Variants in FKBP7 observed in about 807,000 individuals in gnomAD.
The protein encoded by FKBP7 is peptidyl-prolyl cis-trans isomerase FKBP7.
A neutral mutation model predicts 24.3 loss-of-function variants in FKBP7; 24 were observed. The ratio of observed to expected loss-of-function variants is 0.99; its 90% CI spans 0.72 to 1.39. The LOEUF (loss-of-function observed/expected upper bound fraction) is 1.39, where lower values mean the gene tolerates loss of function less well. Ranked by LOEUF, FKBP7 falls within the 40% of genes most tolerant of loss-of-function variation. The pLI is 0.00. For synonymous variants in FKBP7, 98 were observed against 92.8 expected (o/e 1.06, Z -0.32); for missense variants, 257 against 269.5 (o/e 0.95, Z 0.33).
At chr2:178,473,308 A>G (rs973895680) in intron 2 of FKBP7, among the ~76,000 whole-genome samples, 1 of 152,232 alleles carries the variant, frequency 6.6e-6, no homozygotes, top group African/African-American at 2.4e-5. Flanking sequence ...AACGCAGGCA[A>G]GGTCAGTATT....
intron 3 of FKBP7, among the ~76,000 whole-genome samples, chr2:178,468,610 A>C (rs1024185510): frequency 1.3e-5 from 2 of 152,172 alleles, no homozygotes; most frequent in African/African-American, 4.8e-5. Context: ...CAACAGAGAA[A>C]GACCCTGTCT....
chr2:178,472,598 C>T (rs1342717357), intron 2 of FKBP7, among the ~76,000 whole-genome samples: 3 of 151,676 alleles, frequency 2.0e-5, no homozygotes, highest in Admixed American at 1.3e-4. Context: ...TGGCTTATAC[C>T]ACTGCGCCTG....
intron 2 of FKBP7, among the ~76,000 whole-genome samples, chr2:178,471,929 TTA>T (rs1162431704): frequency 1.3e-5 from 2 of 152,154 alleles, no homozygotes; most frequent in African/African-American, 4.8e-5. Context: ...TTACCTGACT[TTA>T]GAGTAGAAGA....
chr2:178,475,035 T>G (rs2154127111), intron 2 of FKBP7, among the ~76,000 whole-genome samples: 1 of 152,300 alleles, frequency 6.6e-6, no homozygotes, highest in South Asian at 2.1e-4. Context: ...TACTTCATTC[T>G]TTTTACTGGT....
At chr2:178,475,059 A>G (rs1221417364) in intron 2 of FKBP7, among the ~76,000 whole-genome samples, 5 of 152,186 alleles carry the variant, frequency 3.3e-5, no homozygotes, top group Non-Finnish European at 7.3e-5. Flanking sequence ...ACAGTAATTC[A>G]TTGTATAGAT....
At chr2:178,470,199 G>A (rs1451501250) in intron 2 of FKBP7, among the ~76,000 whole-genome samples, 1 of 152,054 alleles carries the variant, frequency 6.6e-6, no homozygotes, top group Non-Finnish European at 1.5e-5. Flanking sequence ...AAGGATAGTT[G>A]TGTCTGTAAT....
intron 3 of FKBP7, among the ~76,000 whole-genome samples, chr2:178,466,892 T>C (rs1471507298): frequency 6.6e-6 from 1 of 152,214 alleles, no homozygotes; most frequent in Non-Finnish European, 1.5e-5. Context: ...AGAGTATTTT[T>C]GAAAGCTAGA....
In FKBP7 at chr2:178,465,542, A is replaced by G. The variant is rs1054591576; in HGVS notation, c.*228T>C. The G allele has an allele frequency of 3.0e-6, 1 of 334,292 alleles. No homozygotes were observed. Among genetic ancestry groups the G allele is most frequent in the African/African-American group, 2.1e-5 (1 of 46,954 alleles). The allele number at this position is 334,292 out of a possible 1,614,324, so 20.7% of individuals were successfully genotyped here. A position where few individuals can be genotyped will look rare whatever the true frequency, so the allele number is the denominator to read the frequency against. On this transcript the variant is annotated 3_prime_UTR_variant, in exon 4 of 4. Coordinates refer to ENST00000424785, the MANE Select transcript of FKBP7 (RefSeq NM_181342.3). Reference sequence around the variant, plus strand: ...ACCCAGAGGTCTGTTTCATGGTGCTACAATTCTTGTTTACAGAATAAAGCA... The same window carrying G: ...ACCCAGAGGTCTGTTTCATGGTGCTGCAATTCTTGTTTACAGAATAAAGCA...
Position 178,465,670 on chromosome 2 carries a change from A to T in FKBP7, c.*100T>A. 1 of 1,152,356 alleles carries T rather than the reference A, an allele frequency of 8.7e-7. No individual in the cohort carries two copies. The highest frequency in any genetic ancestry group is 3.3e-5 in the Admixed American group (1 of 30,178). 71.4% of individuals were successfully genotyped at this position (1,152,356 alleles called of 1,614,324 possible). Reference sequence around the variant, plus strand: ...ATTGGGGAGATCAAAATATCTTCTCATAGGGGAAAAATAGCAAATACAACT... The same window carrying T: ...ATTGGGGAGATCAAAATATCTTCTCTTAGGGGAAAAATAGCAAATACAACT... On this transcript the variant is annotated 3_prime_UTR_variant, in exon 4 of 4. Transcript: ENST00000424785.
intron 2 of FKBP7, among the ~76,000 whole-genome samples, chr2:178,472,805 T>TCACACCA (rs1029484072): frequency 8.5e-6 from 1 of 117,732 alleles, no homozygotes; most frequent in African/African-American, 3.3e-5. Context: ...CCAAGATCAA[T>TCACACCA]CACACCACTG....
intron 2 of FKBP7, among the ~76,000 whole-genome samples, chr2:178,475,904 A>T (rs1684986056): frequency 6.6e-6 from 1 of 152,214 alleles, no homozygotes; most frequent in South Asian, 2.1e-4. Context: ...TGAAAGAATA[A>T]GATCATTTCT....
chr2:178,466,892 TGAAAGCTAGA>T (rs755438638), intron 3 of FKBP7, among the ~76,000 whole-genome samples: 11 of 152,214 alleles, frequency 7.2e-5, no homozygotes, highest in Non-Finnish European at 1.6e-4. Flanking sequence ...AGAGTATTTT[TGAAAGCTAGA>T]GTTTGAGAGG....
Position 178,469,716 on chromosome 2 carries a change from G to C in FKBP7, c.443C>G (p.Pro148Arg). Residue 148 changes from proline (P) to arginine (R), a missense_variant, in exon 3 of 4, where the codon CCA becomes CGA. Coordinates refer to ENST00000424785, the MANE Select transcript of FKBP7 (RefSeq NM_181342.3). ...TTGTTTAAATGTCTCAATGCTCCGT[G>C]GTCCTTTGGTCACAGCATAAAGTTC... ...EIELYAVTKG[P>R]RSIETFKQID... is the part of the protein sequence containing the mutation. 6.2e-7 allele frequency: 1 copy of C among 1,613,786 alleles called. No individual in the cohort carries two copies. Among genetic ancestry groups the C allele is most frequent in the African/African-American group, 1.3e-5 (1 of 75,030 alleles).
At chr2:178,466,767 T>A (rs540683793) in intron 3 of FKBP7, among the ~76,000 whole-genome samples, 6 of 152,200 alleles carry the variant, frequency 3.9e-5, no homozygotes, top group Non-Finnish European at 8.8e-5. Flanking sequence ...AATTTTAAAA[T>A]TATATGTGTA....
chr2:178,477,186 T>A lies in FKBP7; in HGVS notation c.249A>T (p.Lys83Asn). Residue 83 changes from lysine to asparagine, a missense_variant, in exon 2 of 4, where the codon AAA (lysine) becomes AAT (asparagine). Physicochemically the swap from Lys to Asn is moderately conservative, Grantham distance 94. Transcript: ENST00000424785. ...CSRTQNEGHP[K>N]WFVLGVGQVI... ...CTTGCCCAACACCAAGAACAAACCA[T>A]TTGGGGTGGCCTTCATTTTGTGTCC... is the stretch of plus-strand genomic sequence containing the variant. 7 of 1,611,998 alleles carry A rather than the reference T, an allele frequency of 4.3e-6. No homozygotes were observed. The highest frequency in any genetic ancestry group is 5.9e-6 in the Non-Finnish European group (7 of 1,179,476).
In FKBP7 at chr2:178,478,552, A is replaced by G; in HGVS notation, c.-53T>C. On this transcript the variant is annotated 5_prime_UTR_variant, in exon 1 of 4. Coordinates refer to ENST00000424785, the MANE Select transcript of FKBP7 (RefSeq NM_181342.3). ...CCCGCGTGTCACTCGCGCCCCGTGG[A>G]TGTCCCGCGGCCGAGTTCCGACGCG... is the stretch of plus-strand genomic sequence containing the variant. 1 of 1,604,568 alleles carries G rather than the reference A, an allele frequency of 6.2e-7. No individual in the cohort carries two copies. The highest frequency in any genetic ancestry group is 1.1e-5 in the South Asian group (1 of 90,190).
intron 2 of FKBP7, among the ~76,000 whole-genome samples, chr2:178,474,772 C>T (rs1244320847): frequency 2.0e-5 from 3 of 152,172 alleles, no homozygotes; most frequent in South Asian, 4.1e-4. Context: ...ACCGCAGCCT[C>T]GACCTCCCAG....
At chr2:178,472,851 CAAAAA>C (rs71674220) in intron 2 of FKBP7, among the ~76,000 whole-genome samples, 1 of 62,508 alleles carries the variant, frequency 1.6e-5, no homozygotes, top group Non-Finnish European at 2.6e-5. Context: ...GACTCCATCT[CAAAAA>C]AAAAAAAAAA....
intron 2 of FKBP7, among the ~76,000 whole-genome samples, chr2:178,476,532 C>T (rs1388389035): frequency 3.9e-5 from 6 of 152,188 alleles, no homozygotes; most frequent in Non-Finnish European, 7.3e-5. Flanking sequence ...CTCTGGCAAT[C>T]ACCCTTCTAC....
Sources: allele counts gnomAD v4.1 joint callset (sites outside exome capture counted in the v4.1 genomes callset), GRCh38; gene constraint gnomAD v4.1.1; transcripts MANE v1.5; gene names NCBI Gene and HGNC (gene_info 2026-07-23, HGNC 2026-07-21).